MYO3B: variants seen among roughly 807,000 people sequenced by gnomAD.
MYO3B encodes myosin IIIB.
MYO3B carries 156 observed loss-of-function variants against 174.6 expected under a neutral mutation model. That is an observed-to-expected ratio of 0.89 (90% CI 0.78 to 1.02). MYO3B has a LOEUF of 1.02. Among genes scored for constraint, MYO3B ranks in the 50% least tolerant of loss-of-function variants. MYO3B has a pLI of 0.00. For synonymous variants in MYO3B, 563 were observed against 569.1 expected (o/e 0.99, Z 0.15); for missense variants, 1,632 against 1,639.4 (o/e 1.00, Z 0.08).
intron 28 of MYO3B, among the ~76,000 whole-genome samples, chr2:170,513,525 C>T (rs768777731): frequency 1.3e-5 from 2 of 152,224 alleles, no homozygotes; most frequent in Non-Finnish European, 2.9e-5. Context: ...GACCCACCTT[C>T]ATCCAGTATG....
intron 3 of MYO3B, among the ~76,000 whole-genome samples, chr2:170,212,756 G>A (rs892525384): frequency 2.4e-4 from 37 of 152,170 alleles, no homozygotes; most frequent in African/African-American, 8.2e-4. Flanking sequence ...CCTGCATAAG[G>A]CGTGAATTCC....
intron 30 of MYO3B, among the ~76,000 whole-genome samples, chr2:170,532,130 G>C (rs1055082310): frequency 6.6e-6 from 1 of 152,202 alleles, no homozygotes; most frequent in Non-Finnish European, 1.5e-5. Context: ...ATGATGTATT[G>C]AGAAGAAGAC....
chr2:170,346,207 A>G (rs573390093), intron 8 of MYO3B: 1 of 152,192 alleles, frequency 6.6e-6, no homozygotes, highest in Non-Finnish European at 1.5e-5. Context: ...AGCTTGTCCA[A>G]TCCTCAGCCC....
intron 8 of MYO3B, among the ~76,000 whole-genome samples, chr2:170,366,756 C>T (rs904361937): frequency 6.6e-6 from 1 of 152,090 alleles, no homozygotes; most frequent in Non-Finnish European, 1.5e-5. Context: ...TAGAGAGGGA[C>T]CCTCTCTAAC....
intron 30 of MYO3B, among the ~76,000 whole-genome samples, chr2:170,533,609 G>A (rs1172886170): frequency 2.0e-5 from 3 of 152,090 alleles, no homozygotes; most frequent in African/African-American, 7.2e-5. Flanking sequence ...GACTCCAGCC[G>A]AAGGAAAAGC....
At chr2:170,268,032 A>G (rs1400249661) in intron 7 of MYO3B, among the ~76,000 whole-genome samples, 2 of 152,136 alleles carry the variant, frequency 1.3e-5, no homozygotes, top group Non-Finnish European at 2.9e-5. Flanking sequence ...ACATGGTGAA[A>G]CCCCGTCTCT....
chr2:170,519,344 G>A (rs752435240), intron 29 of MYO3B, 94 bp from the exon 30 acceptor site: 95 of 879,186 alleles, frequency 1.1e-4, no homozygotes, highest in Admixed American at 1.6e-4. Context: ...TATGAGGGCA[G>A]GGAGAGAAGG....
chr2:170,323,461 G>A (rs978964829), intron 7 of MYO3B, among the ~76,000 whole-genome samples: 2 of 152,162 alleles, frequency 1.3e-5, no homozygotes, highest in Admixed American at 6.5e-5. Flanking sequence ...ATCATATCAG[G>A]CCTGGATTCC....
chr2:170,440,685 G>A (rs951505201), intron 22 of MYO3B, among the ~76,000 whole-genome samples: 9 of 150,098 alleles, frequency 6.0e-5, no homozygotes, highest in African/African-American at 2.2e-4. Context: ...TCTGGGAGGT[G>A]GAGGTTGCAG....
chr2:170,396,912 T>C (rs2094444925), intron 16 of MYO3B, among the ~76,000 whole-genome samples: 1 of 152,216 alleles, frequency 6.6e-6, no homozygotes, highest in African/African-American at 2.4e-5. Context: ...GAGTTTCAGA[T>C]AACCTCGATA....
At chr2:170,457,359 A>G (rs1683965985) in intron 23 of MYO3B, among the ~76,000 whole-genome samples, 1 of 152,358 alleles carries the variant, frequency 6.6e-6, no homozygotes, top group Admixed American at 6.5e-5. Context: ...AGTCTGTCTA[A>G]AAGACTTTTT....
chr2:170,341,328 G>T (rs1422735761), intron 8 of MYO3B: 3 of 152,296 alleles, frequency 2.0e-5, no homozygotes, highest in East Asian at 1.9e-4. Context: ...CAACACACTT[G>T]CAGTGATAAA....
intron 16 of MYO3B, among the ~76,000 whole-genome samples, chr2:170,395,957 G>A (rs950061014): frequency 4.6e-5 from 7 of 152,222 alleles, no homozygotes; most frequent in African/African-American, 1.7e-4. Flanking sequence ...ATCAAAAGAA[G>A]TGTCTTATGA....
At chr2:170,587,854 G>A (rs1693582336) in intron 32 of MYO3B, among the ~76,000 whole-genome samples, 1 of 152,220 alleles carries the variant, frequency 6.6e-6, no homozygotes, top group Admixed American at 6.5e-5. Context: ...TGTGAGTGCT[G>A]ATATGAAAGC....
At chr2:170,373,798 A>G (rs2094266476) in intron 9 of MYO3B, among the ~76,000 whole-genome samples, 1 of 150,494 alleles carries the variant, frequency 6.6e-6, no homozygotes, top group Admixed American at 6.7e-5. Context: ...GAGAGGAGGC[A>G]TTGTGAGGAA....
At chr2:170,601,764 G>A in intron 32 of MYO3B, 1 of 1,389,456 alleles carries the variant, frequency 7.2e-7, no homozygotes, top group Non-Finnish European at 1.0e-6. Context: ...TATCCTTTTT[G>A]TATTTTTCCT....
At chr2:170,490,249 C>T (rs552636245) in intron 25 of MYO3B, among the ~76,000 whole-genome samples, 8 of 152,040 alleles carry the variant, frequency 5.3e-5, no homozygotes, top group Non-Finnish European at 8.8e-5. Flanking sequence ...AGGATGGTCT[C>T]GATTTCCTGA....
At chr2:170,213,335 G>A (rs897502698) in intron 3 of MYO3B, among the ~76,000 whole-genome samples, 5 of 152,170 alleles carry the variant, frequency 3.3e-5, no homozygotes, top group Admixed American at 1.3e-4. Flanking sequence ...AAGGGGGTCC[G>A]CGTGAGAGAG....
chr2:170,430,205 C>T (rs62170675), intron 22 of MYO3B, among the ~76,000 whole-genome samples: 13,471 of 151,866 alleles, frequency 0.089, 785 homozygotes, highest in Middle Eastern at 0.16. Flanking sequence ...TTATAAGACC[C>T]ATAGAAGGCC....
Sources: allele counts gnomAD v4.1 joint callset (sites outside exome capture counted in the v4.1 genomes callset), GRCh38; gene constraint gnomAD v4.1.1; transcripts MANE v1.5; gene names NCBI Gene and HGNC (gene_info 2026-07-23, HGNC 2026-07-21).